The following CTNNA3 variants were observed in gnomAD, a reference collection of about 807,000 sequenced individuals.
CTNNA3 encodes the protein catenin alpha 3.
Under a neutral mutation model 95.7 loss-of-function variants are expected in CTNNA3, and 76 were observed. The observed-to-expected ratio is 0.79, with a 90% CI of 0.66 to 0.96. The LOEUF is 0.96. Among genes scored for constraint, CTNNA3 ranks in the 40% least tolerant of loss-of-function variants. The probability of loss-of-function intolerance (pLI) is 0.00; values close to 1 mark genes in which losing one functional copy is unlikely to be tolerated. For missense variants in CTNNA3, 1,191 were observed against 1,089.8 expected (o/e 1.09, Z -1.31); for synonymous variants, 431 against 374.4 (o/e 1.15, Z -1.74).
chr10:66,810,715 A>G lies in CTNNA3; in HGVS notation c.1048-35191T>C, dbSNP rs906630823. On this transcript the variant is annotated intron_variant, in intron 7 of 17. Transcript: ENST00000433211. ...AATGAATGCTGTAGTAACAGCAAGT[A>G]TGTTAGCATGCCCTCCACATTCATG... 3.1e-4 allele frequency among the ~76,000 whole-genome samples: 47 copies of G among 152,206 alleles called. 1 individual carries two copies. The highest frequency in any genetic ancestry group is 1.1e-3 in the African/African-American group (45 of 41,464).
At chr10:67,366,722 C>G (rs543097041) in intron 5 of CTNNA3, among the ~76,000 whole-genome samples, 22 of 152,138 alleles carry the variant, frequency 1.4e-4, no homozygotes, top group African/African-American at 5.1e-4. Flanking sequence ...ACCATCTGCT[C>G]TTTGACAAAG....
chr10:67,254,083 A>G (rs941235032), intron 5 of CTNNA3, among the ~76,000 whole-genome samples: 1 of 152,150 alleles, frequency 6.6e-6, no homozygotes, highest in African/African-American at 2.4e-5. Context: ...TATGCTCTAA[A>G]TATTTACAAG....
chr10:67,310,972 T>A (rs1365420620), intron 5 of CTNNA3, among the ~76,000 whole-genome samples: 1 of 152,238 alleles, frequency 6.6e-6, no homozygotes, highest in Non-Finnish European at 1.5e-5. Context: ...GAAAATGAGC[T>A]TAACTGTCAT....
intron 15 of CTNNA3, among the ~76,000 whole-genome samples, chr10:66,025,214 GAGC>G (rs1332577145): frequency 6.6e-6 from 1 of 152,186 alleles, no homozygotes; most frequent in African/African-American, 2.4e-5. Context: ...CAGTTGGTTA[GAGC>G]ATTGGGTTAA....
chr10:67,138,154 A>AGT (rs200825167), intron 7 of CTNNA3, among the ~76,000 whole-genome samples: 146 of 151,826 alleles, frequency 9.6e-4, no homozygotes, highest in Admixed American at 2.4e-3. Flanking sequence ...TATGGGTGTG[A>AGT]GTGTGTGTGT....
intron 15 of CTNNA3, among the ~76,000 whole-genome samples, chr10:65,996,388 G>A (rs1251117877): frequency 6.6e-6 from 1 of 152,062 alleles, no homozygotes; most frequent in Non-Finnish European, 1.5e-5. Flanking sequence ...ATAGTGCTGA[G>A]GACCCTGCTG....
intron 5 of CTNNA3, among the ~76,000 whole-genome samples, chr10:67,418,442 GT>G (rs1845619143): frequency 6.6e-6 from 1 of 150,700 alleles, no homozygotes; most frequent in Admixed American, 6.6e-5. Context: ...AAATCAACCT[GT>G]ATCTATCAAC....
At chr10:67,200,382 T>C (rs1234151458) in intron 6 of CTNNA3, among the ~76,000 whole-genome samples, 1 of 152,134 alleles carries the variant, frequency 6.6e-6, no homozygotes, top group African/African-American at 2.4e-5. Context: ...AGGGGACTTT[T>C]AAAATAAAGA....
At chr10:66,718,302 G>A (rs917041795) in intron 9 of CTNNA3, among the ~76,000 whole-genome samples, 8 of 151,762 alleles carry the variant, frequency 5.3e-5, no homozygotes, top group African/African-American at 1.5e-4. Context: ...GAGTTCCCCC[G>A]GCATCAGTCT....
intron 11 of CTNNA3, among the ~76,000 whole-genome samples, chr10:66,411,050 CT>C (rs1407542248): frequency 1.3e-5 from 2 of 152,166 alleles, no homozygotes; most frequent in Non-Finnish European, 2.9e-5. Context: ...ACATATTTAG[CT>C]TCTCTCAACT....
intron 7 of CTNNA3, among the ~76,000 whole-genome samples, chr10:66,793,225 C>T (rs527672089): frequency 6.6e-6 from 1 of 152,172 alleles, no homozygotes; most frequent in South Asian, 2.1e-4. Flanking sequence ...ACTGCAGCCT[C>T]GACCTTCCCA....
chr10:67,523,336 C>A (rs1840039910), intron 4 of CTNNA3, among the ~76,000 whole-genome samples: 1 of 152,176 alleles, frequency 6.6e-6, no homozygotes, highest in African/African-American at 2.4e-5. Context: ...TGGACACTGA[C>A]ACTTACTGAG....
intron 7 of CTNNA3, among the ~76,000 whole-genome samples, chr10:67,041,215 T>C: frequency 6.6e-6 from 1 of 152,062 alleles, no homozygotes; most frequent in East Asian, 1.9e-4. Flanking sequence ...CTTGTCAGAA[T>C]AGATTTTCTG....
chr10:66,443,395 G>A (rs2093390505), intron 11 of CTNNA3, among the ~76,000 whole-genome samples: 1 of 152,162 alleles, frequency 6.6e-6, no homozygotes, highest in Non-Finnish European at 1.5e-5. Flanking sequence ...AGCCTAACTG[G>A]GAGGCGCCCC....
intron 7 of CTNNA3, among the ~76,000 whole-genome samples, chr10:66,854,560 C>T (rs1306922378): frequency 3.2e-4 from 49 of 151,936 alleles, no homozygotes; most frequent in Middle Eastern, 3.4e-3. Context: ...GAGGGAGAAG[C>T]CATTACCTCC....
At chr10:66,545,823 T>C (rs1480343161) in intron 10 of CTNNA3, among the ~76,000 whole-genome samples, 3 of 151,972 alleles carry the variant, frequency 2.0e-5, no homozygotes, top group Admixed American at 2.0e-4. Context: ...TTGTCATTTG[T>C]TATTAGTATA....
chr10:67,480,318 G>C (rs1848170525), intron 5 of CTNNA3, among the ~76,000 whole-genome samples: 1 of 152,166 alleles, frequency 6.6e-6, no homozygotes. Context: ...CAATATCCCT[G>C]ATGAACACAG....
chr10:66,839,045 C>A (rs1456270236), intron 7 of CTNNA3, among the ~76,000 whole-genome samples: 1 of 147,358 alleles, frequency 6.8e-6, no homozygotes, highest in Non-Finnish European at 1.5e-5. Context: ...AAAAAAAAAA[C>A]AGAATCAAGA....
chr10:66,891,924 T>G (rs751566198), intron 7 of CTNNA3, among the ~76,000 whole-genome samples: 6 of 152,098 alleles, frequency 3.9e-5, no homozygotes, highest in Non-Finnish European at 7.4e-5. Flanking sequence ...GAAAAAACAC[T>G]AGACTGGATA....
Sources: allele counts gnomAD v4.1 joint callset (sites outside exome capture counted in the v4.1 genomes callset), GRCh38; gene constraint gnomAD v4.1.1; transcripts MANE v1.5; gene names NCBI Gene and HGNC (gene_info 2026-07-23, HGNC 2026-07-21).